SCN8A: variants seen among roughly 807,000 people sequenced by gnomAD.
SCN8A encodes the protein sodium voltage-gated channel alpha subunit 8.
In SCN8A, 30 loss-of-function variants were observed where a neutral mutation model predicts 184.1. That is an observed-to-expected ratio of 0.16 (90% CI 0.12 to 0.22). SCN8A has a LOEUF of 0.22. Ranked by LOEUF, SCN8A falls within the 10% of genes least tolerant of loss-of-function variation. SCN8A has a pLI of 1.00. For missense variants in SCN8A, 1,057 were observed against 2,498.9 expected (o/e 0.42, Z 12.30); for synonymous variants, 852 against 907.0 (o/e 0.94, Z 1.09).
chr12:51,703,819 G>T (rs1941732167), intron 9 of SCN8A, among the ~76,000 whole-genome samples: 1 of 152,176 alleles, frequency 6.6e-6, no homozygotes, highest in African/African-American at 2.4e-5. Context: ...TCAAATATCT[G>T]AGTTAATTCT....
intron 12 of SCN8A, among the ~76,000 whole-genome samples, chr12:51,741,231 A>AT (rs1942417446): frequency 6.6e-6 from 1 of 152,168 alleles, no homozygotes; most frequent in Non-Finnish European, 1.5e-5. Flanking sequence ...GTCTCTTCTT[A>AT]TAATTTTTGT....
chr12:51,716,306 T>C (rs557388883), intron 11 of SCN8A, among the ~76,000 whole-genome samples: 6 of 152,314 alleles, frequency 3.9e-5, no homozygotes, highest in Admixed American at 3.9e-4. Flanking sequence ...AGTGAGTGAT[T>C]GCACTATTGC....
intron 2 of SCN8A, among the ~76,000 whole-genome samples, chr12:51,682,413 G>A (rs1941350357): frequency 6.6e-6 from 1 of 152,174 alleles, no homozygotes; most frequent in African/African-American, 2.4e-5. Context: ...GAATTCATCA[G>A]CAAAACCGTC....
At chr12:51,659,914 T>G (rs904145907) in intron 1 of SCN8A, among the ~76,000 whole-genome samples, 3 of 152,138 alleles carry the variant, frequency 2.0e-5, no homozygotes, top group African/African-American at 7.2e-5. Context: ...GATGAATAGT[T>G]TTTAAATGCT....
chr12:51,659,460 C>A (rs1399893627), intron 1 of SCN8A, among the ~76,000 whole-genome samples: 1 of 152,070 alleles, frequency 6.6e-6, no homozygotes, highest in East Asian at 1.9e-4. Context: ...TTGTATTATA[C>A]CTTCAAAAAA....
chr12:51,650,549 G>A (rs1348841549), intron 1 of SCN8A, among the ~76,000 whole-genome samples: 5 of 130,602 alleles, frequency 3.8e-5, no homozygotes, highest in Non-Finnish European at 4.7e-5. Flanking sequence ...TTGCACTGTC[G>A]CCCAAGCTGC....
In SCN8A at chr12:51,721,081, TTA is replaced by T. The variant is rs58356368; in HGVS notation, c.1636-440_1636-439del. Among the ~76,000 whole-genome samples, 844 of 86,766 alleles carry T rather than the reference TTA, an allele frequency of 9.7e-3. 23 individuals carry two copies. The highest frequency in any genetic ancestry group is 0.023 in the South Asian group (65 of 2,820). The allele number at this position is 86,766 out of a possible 152,430, so 56.9% of individuals were successfully genotyped here. On this transcript the variant is annotated intron_variant, in intron 11 of 26. Transcript: ENST00000627620. ...AAACTCCATCTCAAAAAAAAAAAAA[TTA>T]TATATATATATATATATATATATAA...
At chr12:51,712,538 C>T (rs1941895984) in intron 11 of SCN8A, 3 of 775,540 alleles carry the variant, frequency 3.9e-6, no homozygotes, top group East Asian at 2.4e-5. Context: ...GCCCGAGCTT[C>T]TTCCACCAAA....
intron 2 of SCN8A, among the ~76,000 whole-genome samples, chr12:51,668,066 C>G (rs1941066489): frequency 6.6e-6 from 1 of 151,726 alleles, no homozygotes; most frequent in Non-Finnish European, 1.5e-5. Flanking sequence ...GCCTATAGTC[C>G]CAGCTACTCA....
Position 51,760,756 on chromosome 12 carries a change from C to G in SCN8A, c.2371-1747C>G, listed in dbSNP as rs145558189. ...GAACTTTGATTTTACTTAACTGGAT[C>G]TCTTTGTGGAATTTTTTTTTCAATT... On this transcript the variant is annotated intron_variant, in intron 14 of 26. Transcript: ENST00000627620. Among the ~76,000 whole-genome samples the G allele has an allele frequency of 2.0e-5, 3 of 152,208 alleles. No homozygotes were observed. In the East Asian group the frequency reaches 5.8e-4, roughly 29 times the overall value.
At chr12:51,714,595 G>T (rs996962754) in intron 11 of SCN8A, among the ~76,000 whole-genome samples, 24 of 152,104 alleles carry the variant, frequency 1.6e-4, no homozygotes, top group Non-Finnish European at 3.2e-4. Flanking sequence ...GACCTCCGGG[G>T]GTCTCCAGAC....
At chr12:51,612,236 A>T (rs1314881358) in intron 1 of SCN8A, among the ~76,000 whole-genome samples, 1 of 152,188 alleles carries the variant, frequency 6.6e-6, no homozygotes, top group African/African-American at 2.4e-5. Flanking sequence ...AACGCAGCTC[A>T]CTGCAACCTC....
chr12:51,744,874 C>A (rs1453202729), intron 12 of SCN8A, among the ~76,000 whole-genome samples: 2 of 152,164 alleles, frequency 1.3e-5, no homozygotes, highest in African/African-American at 4.8e-5. Flanking sequence ...TAGGATCATT[C>A]TCTTACTGAT....
In SCN8A at chr12:51,742,459, G is replaced by A. The variant is rs190253380; in HGVS notation, c.1999-3444G>A. ...TTCATGCTTGAAGGATATTTTTGCCGGATATAGTGTTCTAGGGTAAAAGTT... is the reference window on the plus strand; with the variant it reads ...TTCATGCTTGAAGGATATTTTTGCCAGATATAGTGTTCTAGGGTAAAAGTT... On this transcript the variant is annotated intron_variant, in intron 12 of 26. Coordinates refer to ENST00000627620, the MANE Select transcript of SCN8A (RefSeq NM_001330260.2). Among the ~76,000 whole-genome samples the A allele has an allele frequency of 8.0e-4, 122 of 152,022 alleles. No homozygotes were observed. In the East Asian group the frequency reaches 0.015, roughly 19 times the overall value.
intron 1 of SCN8A, among the ~76,000 whole-genome samples, chr12:51,640,694 G>A (rs1260071992): frequency 2.0e-5 from 3 of 152,152 alleles, no homozygotes; most frequent in African/African-American, 7.2e-5. Context: ...AAGCAGTGGA[G>A]AGTCTGATGT....
At chr12:51,731,206 A>G (rs1592413136) in intron 12 of SCN8A, among the ~76,000 whole-genome samples, 1 of 152,106 alleles carries the variant, frequency 6.6e-6, no homozygotes, top group Admixed American at 6.5e-5. Flanking sequence ...TAGTGCAGTT[A>G]TCTCTTTGAT....
At chr12:51,720,036 A>G (rs946569532) in intron 11 of SCN8A, among the ~76,000 whole-genome samples, 1 of 142,246 alleles carries the variant, frequency 7.0e-6, no homozygotes, top group African/African-American at 2.6e-5. Context: ...AGATCGCGCC[A>G]CTGCACTCCA....
chr12:51,611,667 T>C (rs1939723254), intron 1 of SCN8A, among the ~76,000 whole-genome samples: 1 of 152,106 alleles, frequency 6.6e-6, no homozygotes, highest in South Asian at 2.1e-4. Flanking sequence ...CTAATTTTTG[T>C]ATTTTTAGTA....
chr12:51,615,745 T>A (rs1312244657), intron 1 of SCN8A, among the ~76,000 whole-genome samples: 1 of 152,128 alleles, frequency 6.6e-6, no homozygotes, highest in African/African-American at 2.4e-5. Flanking sequence ...GGAGACAAGG[T>A]CTTACTCTGT....
Sources: gnomAD v4.1 joint callset for allele counts (sites outside exome capture counted in the v4.1 genomes callset) on GRCh38, gnomAD v4.1.1 for gene constraint, MANE v1.5 for transcripts, NCBI Gene and HGNC (gene_info 2026-07-23, HGNC 2026-07-21) for gene names.